The following PROSER2 variants were observed in gnomAD, a reference collection of about 807,000 sequenced individuals.
PROSER2 encodes proline and serine-rich protein 2.
A neutral mutation model predicts 14.6 loss-of-function variants in PROSER2; 18 were observed. The ratio of observed to expected loss-of-function variants is 1.23; its 90% CI spans 0.85 to 1.83. The LOEUF (loss-of-function observed/expected upper bound fraction) is 1.83, where lower values mean the gene tolerates loss of function less well. PROSER2 is among the 40% of genes most tolerant of loss of function. The pLI is 0.00. For synonymous variants in PROSER2, 367 were observed against 286.4 expected (o/e 1.28, Z -2.84); for missense variants, 823 against 629.8 (o/e 1.31, Z -3.28).
Position 11,866,867 on chromosome 10 carries a change from G to C in PROSER2, c.391+84G>C. Reference sequence around the variant, plus strand: ...AGATACTTCTTTTGTGTTCCCCTGTGTTTGCCAGTAGAAGTTGTTGAGTCT... The same window carrying C: ...AGATACTTCTTTTGTGTTCCCCTGTCTTTGCCAGTAGAAGTTGTTGAGTCT... On this transcript the variant is annotated intron_variant, in intron 3 of 3. Transcript: ENST00000277570. The surrounding 1 kb of genome is among the most constrained non-coding windows in gnomAD (Gnocchi z 6.0). 6.8e-7 allele frequency: 1 copy of C among 1,474,528 alleles called. No homozygotes were observed. The allele number at this position is 1,474,528 out of a possible 1,614,324, so 91.3% of individuals were successfully genotyped here. A position where few individuals can be genotyped will look rare whatever the true frequency, so the allele number is the denominator to read the frequency against.
At chr10:11,863,686 A>G (rs1372228645) in intron 2 of PROSER2, among the ~76,000 whole-genome samples, 2 of 152,016 alleles carry the variant, frequency 1.3e-5, no homozygotes, top group African/African-American at 4.8e-5. Context: ...TCTTAACTCT[A>G]CCTATTTGTT....
chr10:11,863,731 CTTTG>C (rs1177502847), intron 2 of PROSER2, among the ~76,000 whole-genome samples: 4 of 152,096 alleles, frequency 2.6e-5, no homozygotes, highest in Non-Finnish European at 5.9e-5. Flanking sequence ...GCTATATATC[CTTTG>C]TTTTTTTCAT....
chr10:11,870,959 T>A lies in PROSER2; in HGVS notation c.*553T>A, dbSNP rs1486468728. On this transcript the variant is annotated 3_prime_UTR_variant, in exon 4 of 4. Transcript: ENST00000277570. ...GCTTTTGTTTCTTGACGTACTTTAGTTTGCCCAGTTTTGTTTTTTACTGAA... is the reference window on the plus strand; with the variant it reads ...GCTTTTGTTTCTTGACGTACTTTAGATTGCCCAGTTTTGTTTTTTACTGAA... The A allele has an allele frequency of 6.5e-6, 1 of 153,132 alleles. No homozygotes were observed. Among genetic ancestry groups the A allele is most frequent in the Admixed American group, 6.5e-5 (1 of 15,278 alleles). The allele number at this position is 153,132 out of a possible 1,614,324, so 9.5% of individuals were successfully genotyped here.
Position 11,869,812 on chromosome 10 carries a change from T to G in PROSER2, c.714T>G (p.Pro238=). The part of the protein sequence containing the change: ...PAARGPRSGD[P]GPGPSHPAQP... Reference sequence around the variant, plus strand: ...CCCGGGGGCCCCGCAGTGGAGACCCTGGCCCGGGGCCCAGCCACCCGGCGC... The same window carrying G: ...CCCGGGGGCCCCGCAGTGGAGACCCGGGCCCGGGGCCCAGCCACCCGGCGC... The change falls in exon 4 of 4, where the codon CCT becomes CCG. Residue 238 remains proline (P), a synonymous_variant. Coordinates refer to ENST00000277570, the MANE Select transcript of PROSER2 (RefSeq NM_153256.4). This position sits in a 1 kb window ranked among gnomAD's most constrained non-coding sequence, Gnocchi z 4.4. 1.3e-6 allele frequency: 2 copies of G among 1,561,860 alleles called. 1 individual carries two copies. The highest frequency in any genetic ancestry group is 2.7e-5 in the African/African-American group (2 of 73,486).
chr10:11,860,042 GCTCTC>G (rs913081877), intron 2 of PROSER2, among the ~76,000 whole-genome samples: 1 of 152,186 alleles, frequency 6.6e-6, no homozygotes, highest in African/African-American at 2.4e-5. Flanking sequence ...CTCTGCTTCT[GCTCTC>G]CTCTCCTCCC....
At chr10:11,861,802 G>A (rs1834244546) in intron 2 of PROSER2, among the ~76,000 whole-genome samples, 1 of 152,186 alleles carries the variant, frequency 6.6e-6, no homozygotes, top group African/African-American at 2.4e-5. Flanking sequence ...CAAAGAGTTG[G>A]CCATGCCTCC....
chr10:11,859,684 A>C (rs989007926), intron 2 of PROSER2, among the ~76,000 whole-genome samples: 1 of 152,166 alleles, frequency 6.6e-6, no homozygotes, highest in African/African-American at 2.4e-5. Flanking sequence ...GCCTCCAAGG[A>C]CCACCAGGCG....
rs769031231 is a variant in PROSER2, at chr10:11,869,630, C to T, written c.532C>T (p.Pro178Ser). The change falls in exon 4 of 4, where the codon CCC becomes TCC. Residue 178 changes from proline to serine, a missense_variant. Physicochemically the swap from Pro to Ser is moderately conservative, Grantham distance 74 (BLOSUM62 -1). Transcript: ENST00000277570. The surrounding 1 kb of genome is among the most constrained non-coding windows in gnomAD (Gnocchi z 4.4). ...PDPPRRELRA[P>S]SPPVEHPRLL... is the part of the protein sequence containing the mutation. ...TCCCCCCAGGAGGGAGCTGCGCGCCCCCTCCCCGCCGGTGGAGCACCCCAG... is the reference window on the plus strand; with the variant it reads ...TCCCCCCAGGAGGGAGCTGCGCGCCTCCTCCCCGCCGGTGGAGCACCCCAG... 6.9e-6 allele frequency: 11 copies of T among 1,595,098 alleles called. No homozygotes were observed. In the East Asian group the frequency reaches 1.6e-4, roughly 23 times the overall value.
At chr10:11,848,713 G>C (rs960776699) in intron 1 of PROSER2, among the ~76,000 whole-genome samples, 1 of 152,160 alleles carries the variant, frequency 6.6e-6, no homozygotes, top group Non-Finnish European at 1.5e-5. Context: ...CATCCCCCCA[G>C]TTTGCACCTC....
rs1275874906 is a variant in PROSER2 at position 11,871,972 on chromosome 10, A to C, written c.*1566A>C. On this transcript the variant is annotated 3_prime_UTR_variant, in exon 4 of 4. Coordinates refer to ENST00000277570, the MANE Select transcript of PROSER2 (RefSeq NM_153256.4). Reference sequence around the variant, plus strand: ...CCTCATAGATTCCTGATCTTAATTTAAATAGGTGCTTTAATTTTACAGCTT... The same window carrying C: ...CCTCATAGATTCCTGATCTTAATTTCAATAGGTGCTTTAATTTTACAGCTT... The C allele has an allele frequency of 6.6e-6, 1 of 152,222 alleles. No individual in the cohort carries two copies. Among genetic ancestry groups the C allele is most frequent in the Non-Finnish European group, 1.5e-5 (1 of 68,044 alleles). 9.4% of individuals were successfully genotyped at this position (152,222 alleles called of 1,614,324 possible). A position where few individuals can be genotyped will look rare whatever the true frequency, so the allele number is the denominator to read the frequency against.
intron 1 of PROSER2, among the ~76,000 whole-genome samples, chr10:11,834,527 G>A (rs1374088591): frequency 6.6e-6 from 1 of 151,880 alleles, no homozygotes; most frequent in East Asian, 2.0e-4. Context: ...CTGAGGTCAG[G>A]AGTTCGAGAC....
rs747348606 is a variant in PROSER2 at position 11,866,486 on chromosome 10, C to T, written c.139-45C>T. On this transcript the variant is annotated intron_variant, in intron 2 of 3. Transcript: ENST00000277570. The surrounding 1 kb of genome is among the most constrained non-coding windows in gnomAD (Gnocchi z 6.0). Reference sequence around the variant, plus strand: ...TTCAGCTTTTGTCTCTTTAGTGAAGCCAGTGTTTGTTTTCTCTCTTCTGTT... The same window carrying T: ...TTCAGCTTTTGTCTCTTTAGTGAAGTCAGTGTTTGTTTTCTCTCTTCTGTT... 6.2e-7 allele frequency: 1 copy of T among 1,602,726 alleles called. No individual in the cohort carries two copies. Among genetic ancestry groups the T allele is most frequent in the Admixed American group, 1.7e-5 (1 of 59,264 alleles).
chr10:11,861,699 C>G (rs75445216), intron 2 of PROSER2, among the ~76,000 whole-genome samples: 1,667 of 152,258 alleles, frequency 0.011, 25 homozygotes, highest in Middle Eastern at 0.024. Flanking sequence ...TTCAGTGTAA[C>G]AAAAGTGAGG....
intron 1 of PROSER2, among the ~76,000 whole-genome samples, chr10:11,834,599 G>A (rs1055527649): frequency 7.3e-5 from 11 of 151,640 alleles, no homozygotes; most frequent in South Asian, 2.1e-4. Flanking sequence ...GCCGGGTATG[G>A]TAGTGCATAC....
Position 11,836,822 on chromosome 10 carries a change from C to G in PROSER2, c.-82+13352C>G, listed in dbSNP as rs1833767384. On this transcript the variant is annotated intron_variant, in intron 1 of 3. Transcript: ENST00000277570. The surrounding 1 kb of genome is among the most constrained non-coding windows in gnomAD (Gnocchi z 4.6). ...CTATAAACCTATACCGAAGTCCTCTCTTATACACGGTTTTGCTTTCCATAG... is the reference window on the plus strand; with the variant it reads ...CTATAAACCTATACCGAAGTCCTCTGTTATACACGGTTTTGCTTTCCATAG... 1.3e-5 allele frequency among the ~76,000 whole-genome samples: 2 copies of G among 152,214 alleles called. No individual in the cohort carries two copies. The highest frequency in any genetic ancestry group is 2.1e-4 in the South Asian group (1 of 4,830).
intron 1 of PROSER2, among the ~76,000 whole-genome samples, chr10:11,828,537 A>C (rs1250857643): frequency 6.6e-6 from 1 of 152,054 alleles, no homozygotes. Context: ...CCCCATCTCT[A>C]CTAAAAATAC....
At chr10:11,864,183 C>T (rs1259198195) in intron 2 of PROSER2, among the ~76,000 whole-genome samples, 1 of 152,166 alleles carries the variant, frequency 6.6e-6, no homozygotes, top group Admixed American at 6.5e-5. Context: ...AATTAATAAT[C>T]GGATTATGTA....
intron 1 of PROSER2, among the ~76,000 whole-genome samples, chr10:11,832,342 A>G (rs1833699989): frequency 6.6e-6 from 1 of 152,136 alleles, no homozygotes; most frequent in South Asian, 2.1e-4. Flanking sequence ...TTTTTTCTTG[A>G]AATTGAGAAA....
chr10:11,849,675 T>C (rs1833983224), intron 1 of PROSER2: 1 of 151,902 alleles, frequency 6.6e-6, no homozygotes, highest in African/African-American at 2.4e-5. Context: ...TTTGGGAGAG[T>C]GGTAACAATT....
Sources: gnomAD v4.1 joint callset for allele counts (sites outside exome capture counted in the v4.1 genomes callset) on GRCh38, gnomAD v4.1.1 for gene constraint, Gnocchi (gnomAD v3.1) non-coding constraint, MANE v1.5 for transcripts, NCBI Gene and HGNC (gene_info 2026-07-23, HGNC 2026-07-21) for gene names.